ELAVL4: variants seen among roughly 807,000 people sequenced by gnomAD.
ELAVL4 encodes ELAV like RNA binding protein 4.
Under a neutral mutation model 35.6 loss-of-function variants are expected in ELAVL4, and 1 was observed. The observed-to-expected ratio is 0.03, with a 90% CI of 0.01 to 0.13. The LOEUF is 0.13. Ranked by LOEUF, ELAVL4 falls within the 10% of genes least tolerant of loss-of-function variation. The pLI, the probability that ELAVL4 is intolerant of heterozygous loss-of-function variation, is 1.00. For synonymous variants in ELAVL4, 156 were observed against 171.0 expected, an observed-to-expected ratio of 0.91 and a Z score of 0.69; for missense variants, 267 against 464.9, an observed-to-expected ratio of 0.57 and a Z score of 3.91.
upstream of ELAVL4, chr1:50,104,025 A>G (rs778982857): frequency 1.2e-6 from 2 of 1,613,692 alleles, no homozygotes; most frequent in Non-Finnish European, 1.7e-6. Flanking sequence ...ATCACTGGAT[A>G]GCCTGGCAGA....
intron 1 of ELAVL4, among the ~76,000 whole-genome samples, chr1:50,093,650 G>T (rs141722916): frequency 0.011 from 1,666 of 152,298 alleles, 17 homozygotes; most frequent in Non-Finnish European, 0.018. Context: ...GTCAAGAAAA[G>T]TGGTTGATGT....
chr1:50,200,864 A>C lies in ELAVL4; in HGVS notation c.787A>C (p.Thr263Pro). The C allele has an allele frequency of 6.2e-7, 1 of 1,613,368 alleles. No homozygotes were observed. The highest frequency in any genetic ancestry group is 8.5e-7 in the Non-Finnish European group (1 of 1,179,826). Residue 263 changes from threonine (T) to proline (P), a missense_variant, in exon 7 of 7, where the codon ACC (threonine) becomes CCC (proline). Around this residue, in one of 2 missense-constraint regions of ELAVL4, gnomAD observed 216 missense variants for 409.5 expected, o/e 0.53. Transcript: ENST00000371824. ...TTGTCCCCCCAGGTTCTCCCCAATT[A>C]CCATTGATGGAATGACAAGCCTTGT... ...AYGVKRFSPI[T>P]IDGMTSLVGM...
At chr1:50,169,236 A>G (rs967865760) in intron 2 of ELAVL4, among the ~76,000 whole-genome samples, 2 of 151,982 alleles carry the variant, frequency 1.3e-5, no homozygotes, top group Admixed American at 6.6e-5. Context: ...AGCTGTTTAG[A>G]TGGTGCCCAC....
At chr1:50,200,777 T>C (rs1644354402) in intron 6 of ELAVL4, 74 bp from the exon 7 acceptor site, 5 of 1,566,476 alleles carry the variant, frequency 3.2e-6, no homozygotes, top group Non-Finnish European at 3.5e-6. Context: ...CCCATGTCTG[T>C]GTCTGTGCAT....
At chr1:50,070,942 A>G (rs1664490851) in intron 1 of ELAVL4, among the ~76,000 whole-genome samples, 1 of 152,126 alleles carries the variant, frequency 6.6e-6, no homozygotes, top group East Asian at 1.9e-4. Context: ...TGCCTCTCAG[A>G]CACTCAGATC....
intron 2 of ELAVL4, among the ~76,000 whole-genome samples, chr1:50,170,108 CG>C (rs1678717656): frequency 6.6e-6 from 1 of 152,072 alleles, no homozygotes; most frequent in Admixed American, 6.6e-5. Flanking sequence ...AAGAAGGTTG[CG>C]GTTTCATTGA....
rs371422463 is a variant in ELAVL4, at chr1:50,195,481, C to T, written c.509-80C>T. 5.3e-6 allele frequency: 8 copies of T among 1,507,094 alleles called. No individual in the cohort carries two copies. The East Asian group carries it at 1.4e-4, about 26-fold the overall frequency. 93.4% of individuals were successfully genotyped at this position (1,507,094 alleles called of 1,614,324 possible). On this transcript the variant is annotated intron_variant, in intron 4 of 6. Transcript: ENST00000371824. ...GGTGGGCTTACTCCTCACACAATAT[C>T]CACAGGACCCATCTCTTCCCAAAGA...
At chr1:50,048,733 A>G (rs1015491132) in intron 1 of ELAVL4, among the ~76,000 whole-genome samples, 16 of 152,102 alleles carry the variant, frequency 1.1e-4, no homozygotes, top group South Asian at 4.1e-4. Context: ...TCTTTCCTCT[A>G]TTACACCCCG....
upstream of ELAVL4, among the ~76,000 whole-genome samples, chr1:50,102,294 AATAAT>A (rs1666024604): frequency 8.2e-6 from 1 of 121,474 alleles, no homozygotes; most frequent in Non-Finnish European, 1.6e-5. Context: ...TCAAAAATAA[AATAAT>A]AAAATAAAAT....
At chr1:50,165,752 A>ATGTGTATTTG (rs1553183156) in intron 2 of ELAVL4, among the ~76,000 whole-genome samples, 1 of 31,100 alleles carries the variant, frequency 3.2e-5, no homozygotes, top group Non-Finnish European at 9.9e-5. Context: ...ATATACATAT[A>ATGTGTATTTG]TGTGTATATG....
rs887020503 is a variant in ELAVL4 at position 50,201,633 on chromosome 1, GA to G, written c.*462del. 4.6e-5 allele frequency: 7 copies of G among 151,384 alleles called. No homozygotes were observed. The highest frequency in any genetic ancestry group is 1.5e-4 in the African/African-American group (6 of 41,284). The allele number at this position is 151,384 out of a possible 1,614,324, so 9.4% of individuals were successfully genotyped here. The stretch of plus-strand genomic sequence containing the variant: ...ACAAAGTAATGGGATTCAAAGAAAG[GA>G]AAAAAAGATTTTTCTTTTTTGTCAA... On this transcript the variant is annotated 3_prime_UTR_variant, in exon 7 of 7. Coordinates refer to ENST00000371824, the MANE Select transcript of ELAVL4 (RefSeq NM_001144774.3). This position sits in a 1 kb window ranked among gnomAD's most constrained non-coding sequence, Gnocchi z 4.3.
At chr1:50,124,011 T>C in intron 1 of ELAVL4, among the ~76,000 whole-genome samples, 1 of 152,142 alleles carries the variant, frequency 6.6e-6, no homozygotes, top group East Asian at 1.9e-4. Flanking sequence ...AAGTAGGTGC[T>C]CAGTAATTGA....
chr1:50,140,466 A>C (rs1050261686), intron 1 of ELAVL4, among the ~76,000 whole-genome samples: 1 of 152,226 alleles, frequency 6.6e-6, no homozygotes, highest in Admixed American at 6.5e-5. Context: ...GTAACCTTAA[A>C]ATGCTGTAGT....
chr1:50,121,829 C>T (rs1189685395), intron 1 of ELAVL4, among the ~76,000 whole-genome samples: 1 of 151,934 alleles, frequency 6.6e-6, no homozygotes, highest in Non-Finnish European at 1.5e-5. Context: ...CTTTATTAAC[C>T]AAAGTATTTA....
intron 1 of ELAVL4, among the ~76,000 whole-genome samples, chr1:50,143,766 C>T (rs1216048117): frequency 1.3e-5 from 2 of 151,922 alleles, no homozygotes; most frequent in East Asian, 1.9e-4. Flanking sequence ...GCGTTTGGGG[C>T]CAGGAAATCC....
chr1:50,117,863 T>G (rs1277461026), intron 1 of ELAVL4, among the ~76,000 whole-genome samples: 1 of 152,086 alleles, frequency 6.6e-6, no homozygotes, highest in East Asian at 1.9e-4. Flanking sequence ...TGTTGTTGTT[T>G]TTTTCTATAT....
chr1:50,137,916 G>A (rs943085241), intron 1 of ELAVL4, among the ~76,000 whole-genome samples: 1 of 152,120 alleles, frequency 6.6e-6, no homozygotes, highest in Non-Finnish European at 1.5e-5. Context: ...TCTGTGGAGG[G>A]ATTACCATGC....
intron 1 of ELAVL4, among the ~76,000 whole-genome samples, chr1:50,051,948 A>G (rs994827612): frequency 3.3e-5 from 5 of 152,164 alleles, no homozygotes; most frequent in African/African-American, 1.2e-4. Context: ...TGTCTTGTCT[A>G]TCTCTTCATA....
chr1:50,067,138 G>A (rs1390720821), intron 1 of ELAVL4, among the ~76,000 whole-genome samples: 3 of 152,120 alleles, frequency 2.0e-5, no homozygotes, highest in African/African-American at 7.2e-5. Context: ...GTTTGCAAAA[G>A]CCCTATCAAG....
Sources: gnomAD v4.1 joint callset for allele counts (sites outside exome capture counted in the v4.1 genomes callset) on GRCh38, gnomAD v4.1.1 for gene constraint, gnomAD v4.1.1 regional missense constraint, Gnocchi (gnomAD v3.1) non-coding constraint, MANE v1.5 for transcripts, NCBI Gene and HGNC (gene_info 2026-07-23, HGNC 2026-07-21) for gene names.